The following KLF12 variants were observed in gnomAD, a reference collection of about 807,000 sequenced individuals.
KLF12 encodes Krueppel-like factor 12.
A neutral mutation model predicts 37.8 loss-of-function variants in KLF12; 9 were observed. The ratio of observed to expected loss-of-function variants is 0.24; its 90% CI spans 0.14 to 0.42. The LOEUF (loss-of-function observed/expected upper bound fraction) is 0.42. KLF12 is among the 10% of genes least tolerant of loss of function. The probability of loss-of-function intolerance (pLI) is 1.00; values close to 1 mark genes in which losing one functional copy is unlikely to be tolerated. For missense variants in KLF12, 411 were observed against 516.0 expected (o/e 0.80, Z 1.97); for synonymous variants, 208 against 202.1 (o/e 1.03, Z -0.25).
At chr13:73,802,076 A>G (rs1882307358) in intron 5 of KLF12, 1 of 152,154 alleles carries the variant, frequency 6.6e-6, no homozygotes, top group Non-Finnish European at 1.5e-5. Flanking sequence ...ATATCAGAAG[A>G]CATTCGATTT....
At chr13:73,845,089 T>C (rs1189037685) in intron 4 of KLF12, 1 of 152,152 alleles carries the variant, frequency 6.6e-6, no homozygotes, top group Non-Finnish European at 1.5e-5. Context: ...TGCATAACTA[T>C]CAAATTTAAT....
At chr13:74,017,216 A>C (rs911107302) in intron 1 of KLF12, among the ~76,000 whole-genome samples, 1 of 147,830 alleles carries the variant, frequency 6.8e-6, no homozygotes, top group African/African-American at 2.5e-5. Context: ...CTTTAGTCAA[A>C]AAGTGAACTA....
intron 1 of KLF12, among the ~76,000 whole-genome samples, chr13:74,113,232 G>A (rs1341479998): frequency 2.6e-5 from 4 of 152,150 alleles, no homozygotes; most frequent in Admixed American, 6.6e-5. Flanking sequence ...CAAGTTATCC[G>A]GAAGATCTAG....
At chr13:73,702,362 A>C (rs1198504384) in intron 7 of KLF12, among the ~76,000 whole-genome samples, 1 of 152,292 alleles carries the variant, frequency 6.6e-6, no homozygotes, top group African/African-American at 2.4e-5. Context: ...TATTGAATGG[A>C]TTCCCAAAAC....
the KLF12 span, among the ~76,000 whole-genome samples, chr13:74,272,099 AT>A: frequency 7.2e-5 from 11 of 152,238 alleles, no homozygotes; most frequent in Non-Finnish European, 1.6e-4. Flanking sequence ...ATAAATAAAA[AT>A]CAGGGTTGTA....
chr13:73,712,955 ATTTAC>A (rs1875517786), intron 7 of KLF12, among the ~76,000 whole-genome samples: 2 of 152,158 alleles, frequency 1.3e-5, no homozygotes, highest in East Asian at 3.8e-4. Context: ...TTCTTGTGAT[ATTTAC>A]TTTATTGGGA....
chr13:73,702,303 T>A (rs569185110), intron 7 of KLF12, among the ~76,000 whole-genome samples: 1 of 152,254 alleles, frequency 6.6e-6, no homozygotes, highest in South Asian at 2.1e-4. Context: ...TGCATTTCCA[T>A]GACATTTACC....
At chr13:73,970,649 C>T (rs533565363) in intron 2 of KLF12, among the ~76,000 whole-genome samples, 21 of 152,200 alleles carry the variant, frequency 1.4e-4, no homozygotes, top group Non-Finnish European at 2.1e-4. Flanking sequence ...ACCAGCTCCA[C>T]ATATACACAC....
chr13:73,892,622 A>T (rs1168573672), intron 3 of KLF12, among the ~76,000 whole-genome samples: 1 of 152,192 alleles, frequency 6.6e-6, no homozygotes, highest in Admixed American at 6.5e-5. Context: ...ATCAATAAGG[A>T]ATCTGACAAA....
chr13:73,849,357 C>G (rs1300277609), intron 3 of KLF12, among the ~76,000 whole-genome samples: 1 of 117,512 alleles, frequency 8.5e-6, no homozygotes, highest in Non-Finnish European at 1.6e-5. Flanking sequence ...CCAGCTTGGG[C>G]AACAGAGGGA....
the KLF12 span, among the ~76,000 whole-genome samples, chr13:74,201,543 A>T: frequency 6.6e-6 from 1 of 152,082 alleles, no homozygotes; most frequent in South Asian, 2.1e-4. Flanking sequence ...CACCTCCTAT[A>T]AGTTCTTTTT....
intron 3 of KLF12, among the ~76,000 whole-genome samples, chr13:73,894,567 CTCA>C (rs2139041673): frequency 6.6e-6 from 1 of 152,284 alleles, no homozygotes; most frequent in East Asian, 1.9e-4. Flanking sequence ...CTCTACTAAA[CTCA>C]TCATTTAACT....
intron 3 of KLF12, among the ~76,000 whole-genome samples, chr13:73,848,118 T>C (rs1885126395): frequency 6.6e-6 from 1 of 152,206 alleles, no homozygotes; most frequent in Non-Finnish European, 1.5e-5. Flanking sequence ...TTTCTCCTTT[T>C]ACCGTATCAA....
At chr13:73,932,461 T>C (rs1889731522) in intron 3 of KLF12, among the ~76,000 whole-genome samples, 1 of 152,156 alleles carries the variant, frequency 6.6e-6, no homozygotes, top group Non-Finnish European at 1.5e-5. Context: ...GTGATGATTC[T>C]CTGACATAAT....
intron 3 of KLF12, among the ~76,000 whole-genome samples, chr13:73,923,858 C>T (rs1228904371): frequency 6.6e-6 from 1 of 152,220 alleles, no homozygotes; most frequent in Non-Finnish European, 1.5e-5. Flanking sequence ...ATTCCATACA[C>T]CAGGCTTCCG....
chr13:73,860,146 T>C (rs867321912), intron 3 of KLF12, among the ~76,000 whole-genome samples: 1 of 152,158 alleles, frequency 6.6e-6, no homozygotes, highest in African/African-American at 2.4e-5. Flanking sequence ...CAGTTTCTGA[T>C]TGAAGATGAT....
intron 1 of KLF12, among the ~76,000 whole-genome samples, chr13:74,048,202 A>C (rs9530270): frequency 0.7 from 107,187 of 152,100 alleles, 38,010 homozygotes; most frequent in East Asian, 0.85. Context: ...ACATCAGCTT[A>C]CATCTCACTG....
At chr13:74,287,138 C>T in the KLF12 span, among the ~76,000 whole-genome samples, 1 of 152,126 alleles carries the variant, frequency 6.6e-6, no homozygotes, top group Non-Finnish European at 1.5e-5. Flanking sequence ...GCAGGCTTTC[C>T]ATCAGCCTAC....
At chr13:74,181,038 G>T in the KLF12 span, among the ~76,000 whole-genome samples, 1 of 151,858 alleles carries the variant, frequency 6.6e-6, no homozygotes, top group Non-Finnish European at 1.5e-5. Flanking sequence ...TTGCTTTGTT[G>T]CCCAGGCTGG....
Sources: gnomAD v4.1 joint callset for allele counts (sites outside exome capture counted in the v4.1 genomes callset) on GRCh38, gnomAD v4.1.1 for gene constraint, MANE v1.5 for transcripts, NCBI Gene and HGNC (gene_info 2026-07-23, HGNC 2026-07-21) for gene names.